ITFG1: variants seen among roughly 807,000 people sequenced by gnomAD.
The protein encoded by ITFG1 is T-cell immunomodulatory protein.
In ITFG1, 34 loss-of-function variants were observed where a neutral mutation model predicts 81.8. The ratio of observed to expected loss-of-function variants is 0.42; its 90% CI spans 0.32 to 0.55. The LOEUF (loss-of-function observed/expected upper bound fraction) is 0.55. Ranked by LOEUF, ITFG1 falls within the 20% of genes least tolerant of loss-of-function variation. The pLI is 0.17. For synonymous variants in ITFG1, 285 were observed against 270.6 expected, an observed-to-expected ratio of 1.05 and a Z score of -0.52; for missense variants, 672 against 755.4, an observed-to-expected ratio of 0.89 and a Z score of 1.29.
At chr16:47,207,931 A>C (rs1965521435) in intron 14 of ITFG1, among the ~76,000 whole-genome samples, 1 of 152,242 alleles carries the variant, frequency 6.6e-6, no homozygotes, top group Non-Finnish European at 1.5e-5. Flanking sequence ...TTTACTGAAT[A>C]ATTACTATGT....
chr16:47,356,863 G>C (rs1369371838), intron 8 of ITFG1, among the ~76,000 whole-genome samples: 1 of 152,088 alleles, frequency 6.6e-6, no homozygotes, highest in African/African-American at 2.4e-5. Flanking sequence ...AGTGGCATTA[G>C]GCTCTTCATA....
chr16:47,433,903 T>C (rs1008558802), intron 5 of ITFG1, among the ~76,000 whole-genome samples: 1 of 94,454 alleles, frequency 1.1e-5, no homozygotes, highest in Non-Finnish European at 2.0e-5. Flanking sequence ...TATATATATA[T>C]ATAGTTGTCA....
intron 6 of ITFG1, among the ~76,000 whole-genome samples, chr16:47,404,400 A>G (rs1472548234): frequency 6.6e-6 from 1 of 152,254 alleles, no homozygotes; most frequent in African/African-American, 2.4e-5. Context: ...ACAAAATAGT[A>G]TAGGGCCCCC....
At chr16:47,267,427 A>C (rs1375186793) in intron 10 of ITFG1, among the ~76,000 whole-genome samples, 1 of 152,194 alleles carries the variant, frequency 6.6e-6, no homozygotes, top group Non-Finnish European at 1.5e-5. Context: ...CAAAAATTGA[A>C]AGAACTGTGG....
intron 6 of ITFG1, among the ~76,000 whole-genome samples, chr16:47,416,458 G>A (rs957606677): frequency 2.6e-5 from 4 of 152,156 alleles, no homozygotes; most frequent in African/African-American, 9.6e-5. Flanking sequence ...CTTATTGTTT[G>A]CAAAAGTTTT....
intron 14 of ITFG1, chr16:47,217,955 T>A (rs1965645838): frequency 6.6e-6 from 1 of 152,128 alleles, no homozygotes; most frequent in African/African-American, 2.4e-5. Context: ...TATAATTGTG[T>A]TTGTCAATTT....
chr16:47,208,074 G>A (rs1250067659), intron 14 of ITFG1, among the ~76,000 whole-genome samples: 1 of 152,150 alleles, frequency 6.6e-6, no homozygotes, highest in Non-Finnish European at 1.5e-5. Flanking sequence ...GAAAAGCCAA[G>A]ACTTGAAATC....
intron 10 of ITFG1, among the ~76,000 whole-genome samples, chr16:47,269,408 G>A (rs1432592047): frequency 6.6e-6 from 1 of 151,168 alleles, no homozygotes; most frequent in African/African-American, 2.4e-5. Flanking sequence ...AGCACTTTGG[G>A]GAGGCCATGA....
rs1399229999 is a variant in ITFG1 at position 47,393,144 on chromosome 16, A to G, written c.656-17204T>C. On this transcript the variant is annotated intron_variant, in intron 6 of 17. Transcript: ENST00000320640. ...GAGCTAGAAAAGAGGTAGCACTGCC[A>G]TTTTAGGGCAACTAGAACTTAGATG... is the stretch of plus-strand genomic sequence containing the variant. 2.6e-5 allele frequency among the ~76,000 whole-genome samples: 4 copies of G among 152,230 alleles called. No individual in the cohort carries two copies. The East Asian group carries it at 7.7e-4, about 29-fold the overall frequency.
chr16:47,200,018 G>A (rs754641195), intron 14 of ITFG1, among the ~76,000 whole-genome samples: 11 of 151,186 alleles, frequency 7.3e-5, no homozygotes, highest in South Asian at 2.1e-4. Context: ...GATGGGGTGC[G>A]GCTGTAAATA....
intron 13 of ITFG1, among the ~76,000 whole-genome samples, chr16:47,224,398 G>GAAC (rs1186300582): frequency 6.6e-6 from 1 of 152,154 alleles, no homozygotes; most frequent in Non-Finnish European, 1.5e-5. Context: ...AGAAGTCCAT[G>GAAC]AACATATGCA....
intron 6 of ITFG1, among the ~76,000 whole-genome samples, chr16:47,413,887 C>A (rs1250428149): frequency 6.6e-6 from 1 of 152,110 alleles, no homozygotes; most frequent in Non-Finnish European, 1.5e-5. Flanking sequence ...ATGGTGCGAT[C>A]TTGGCTCACT....
intron 8 of ITFG1, among the ~76,000 whole-genome samples, chr16:47,354,706 A>T (rs1043157370): frequency 6.6e-6 from 1 of 152,172 alleles, no homozygotes; most frequent in Non-Finnish European, 1.5e-5. Flanking sequence ...AATACCAAAA[A>T]AAATTGTGAT....
chr16:47,382,179 G>A (rs555887577), intron 6 of ITFG1, among the ~76,000 whole-genome samples: 1 of 152,260 alleles, frequency 6.6e-6, no homozygotes, highest in South Asian at 2.1e-4. Flanking sequence ...CATGTCTCCA[G>A]GCTGATTTTG....
chr16:47,434,146 T>C (rs1484702560), intron 5 of ITFG1, among the ~76,000 whole-genome samples: 2 of 151,506 alleles, frequency 1.3e-5, no homozygotes, highest in African/African-American at 4.8e-5. Flanking sequence ...GACACAGGCA[T>C]AGGCAAATAT....
intron 6 of ITFG1, among the ~76,000 whole-genome samples, chr16:47,383,564 G>A (rs1024429112): frequency 5.3e-5 from 8 of 152,132 alleles, no homozygotes; most frequent in African/African-American, 1.9e-4. Context: ...GGTTTTTTTA[G>A]CAGCTGAAAC....
Position 47,218,855 on chromosome 16 carries a change from T to C in ITFG1, c.1453+13A>G. On this transcript the variant is annotated intron_variant, in intron 14 of 17. Transcript: ENST00000320640. ...AAGCTTTTATACATTATGGACAATGTATCTGGTCTTACCTGATCCATTTTT... is the reference window on the plus strand; with the variant it reads ...AAGCTTTTATACATTATGGACAATGCATCTGGTCTTACCTGATCCATTTTT... 1 of 1,500,576 alleles carries C rather than the reference T, an allele frequency of 6.7e-7. No homozygotes were observed. The allele number at this position is 1,500,576 out of a possible 1,614,324, so 93.0% of individuals were successfully genotyped here. A position where few individuals can be genotyped will look rare whatever the true frequency, so the allele number is the denominator to read the frequency against.
chr16:47,201,479 TTACA>T (rs1289288784), intron 14 of ITFG1, among the ~76,000 whole-genome samples: 1 of 152,186 alleles, frequency 6.6e-6, no homozygotes, highest in Non-Finnish European at 1.5e-5. Context: ...AGTGCTGGGA[TTACA>T]GGTGTGAGCC....
chr16:47,180,367 C>T (rs1162732196), intron 14 of ITFG1, among the ~76,000 whole-genome samples: 4 of 151,598 alleles, frequency 2.6e-5, no homozygotes, highest in Non-Finnish European at 4.4e-5. Context: ...CTCCCTCTCC[C>T]TCCCCCTCCC....
Sources: gnomAD v4.1 joint callset for allele counts (sites outside exome capture counted in the v4.1 genomes callset) on GRCh38, gnomAD v4.1.1 for gene constraint, MANE v1.5 for transcripts, NCBI Gene and HGNC (gene_info 2026-07-23, HGNC 2026-07-21) for gene names.